KCTD1: variants seen among roughly 807,000 people sequenced by gnomAD.
KCTD1 encodes the protein potassium channel tetramerization domain containing 1.
A neutral mutation model predicts 66.0 loss-of-function variants in KCTD1; 24 were observed. The observed-to-expected ratio is 0.36, with a 90% confidence interval of 0.26 to 0.51. The LOEUF (loss-of-function observed/expected upper bound fraction) is 0.51, where lower values mean the gene tolerates loss of function less well. Ranked by LOEUF, KCTD1 falls within the 20% of genes least tolerant of loss-of-function variation. The pLI is 0.95. For synonymous variants in KCTD1, 511 were observed against 517.2 expected, an observed-to-expected ratio of 0.99 and a Z score of 0.16; for missense variants, 943 against 1,205.2, an observed-to-expected ratio of 0.78 and a Z score of 3.22.
Position 26,455,467 on chromosome 18 carries a change from C to G in KCTD1, c.*276G>C, listed in dbSNP as rs145207799. On this transcript the variant is annotated 3_prime_UTR_variant, in exon 5 of 5. Coordinates refer to ENST00000580059, the MANE Select transcript of KCTD1 (RefSeq NM_001142730.3). ...AGGACACTTCACGGCCATCACAGCA[C>G]CAACTGCGGCTGTCACCTTTTTTTT... 1 of 184,020 alleles carries G rather than the reference C, an allele frequency of 5.4e-6. No homozygotes were observed. Among genetic ancestry groups the G allele is most frequent in the Non-Finnish European group, 1.1e-5 (1 of 92,278 alleles). The allele number at this position is 184,020 out of a possible 1,614,324, so 11.4% of individuals were successfully genotyped here.
At chr18:26,583,002 A>T (rs1216833207) in intron 1 of KCTD1, among the ~76,000 whole-genome samples, 3 of 152,196 alleles carry the variant, frequency 2.0e-5, no homozygotes, top group Non-Finnish European at 4.4e-5. Context: ...ATATAAACAA[A>T]AAACATTACA....
In KCTD1 at chr18:26,586,185, C is replaced by T. The variant is rs113211789; in HGVS notation, c.-16+42962G>A. Among the ~76,000 whole-genome samples the T allele has an allele frequency of 1.1e-3, 161 of 152,320 alleles. 2 individuals carry two copies. The highest frequency in any genetic ancestry group is 3.7e-3 in the African/African-American group (152 of 41,562). ...TAGCAAATCAATCAGCACCATTTTC[C>T]CAACAGCATGTGCTCACTTTGTATC... is the stretch of plus-strand genomic sequence containing the variant. On this transcript the variant is annotated intron_variant, in intron 1 of 4. Transcript: ENST00000317932.
At chr18:26,494,175 G>A (rs1353599868) in intron 2 of KCTD1, among the ~76,000 whole-genome samples, 2 of 151,940 alleles carry the variant, frequency 1.3e-5, no homozygotes, top group African/African-American at 4.8e-5. Flanking sequence ...TTTGAGACCA[G>A]CCCTGGCAAC....
intron 2 of KCTD1, among the ~76,000 whole-genome samples, chr18:26,483,750 T>A (rs1981769857): frequency 6.8e-6 from 1 of 146,626 alleles, no homozygotes; most frequent in Admixed American, 6.8e-5. Flanking sequence ...AACGGAGATG[T>A]GTGTGTGTGT....
exon 1 of KCTD1, chr18:26,657,391 A>G (rs1255678600): frequency 1.0e-6 from 1 of 985,584 alleles, no homozygotes; most frequent in Non-Finnish European, 1.2e-6. Flanking sequence ...TCTCTCTCCA[A>G]GTCCCCTTTT....
At position 26,605,758 on chromosome 18, in the gene KCTD1, A is replaced by ATCTATCTG. The variant is rs1555646519; in HGVS notation, c.-16+23388_-16+23389insCAGATAGA. 3.8e-3 allele frequency among the ~76,000 whole-genome samples: 545 copies of ATCTATCTG among 144,538 alleles called. 4 individuals carry two copies. Among genetic ancestry groups the ATCTATCTG allele is most frequent in the African/African-American group, 0.012 (476 of 38,708 alleles). 94.8% of individuals were successfully genotyped at this position (144,538 alleles called of 152,430 possible). ...TATCTATCTATCTATCTATCTATCT[A>ATCTATCTG]TCTATCTATCTATATTACATCTTAG... On this transcript the variant is annotated intron_variant, in intron 1 of 4. Coordinates refer to the KCTD1 transcript ENST00000317932.
intron 2 of KCTD1, among the ~76,000 whole-genome samples, chr18:26,489,031 A>G (rs1598891860): frequency 6.6e-6 from 1 of 152,192 alleles, no homozygotes; most frequent in Non-Finnish European, 1.5e-5. Context: ...ACCTCGTAAG[A>G]TTACACCTGA....
At chr18:26,523,990 A>G (rs1232660807) in intron 1 of KCTD1, among the ~76,000 whole-genome samples, 1 of 152,242 alleles carries the variant, frequency 6.6e-6, no homozygotes, top group Non-Finnish European at 1.5e-5. Flanking sequence ...CTCAGCAGTC[A>G]TTGAGCAGGA....
chr18:26,577,717 T>A lies in KCTD1; in HGVS notation c.-16+51430A>T, dbSNP rs373952085. On this transcript the variant is annotated intron_variant, in intron 1 of 4. Coordinates refer to the KCTD1 transcript ENST00000317932. Reference sequence around the variant, plus strand: ...TCCAACACCATGCCTGGCTAATTAGTTTTTAGTGTTTTTTTTTGTTTGTTT... The same window carrying A: ...TCCAACACCATGCCTGGCTAATTAGATTTTAGTGTTTTTTTTTGTTTGTTT... Among the ~76,000 whole-genome samples the A allele has an allele frequency of 1.0e-3, 156 of 151,952 alleles. 2 individuals carry two copies. The highest frequency in any genetic ancestry group is 3.5e-3 in the African/African-American group (147 of 41,442).
upstream of KCTD1, among the ~76,000 whole-genome samples, chr18:26,640,932 CG>C (rs1987820846): frequency 2.0e-5 from 3 of 152,046 alleles, no homozygotes; most frequent in Non-Finnish European, 4.4e-5. Flanking sequence ...TGGATGGTAT[CG>C]TGGGATCTAG....
intron 3 of KCTD1, among the ~76,000 whole-genome samples, chr18:26,470,698 G>C (rs956425138): frequency 6.6e-6 from 1 of 152,224 alleles, no homozygotes; most frequent in African/African-American, 2.4e-5. Context: ...TCACAGCTGC[G>C]CAGATGGTGC....
At chr18:26,639,237 G>C (rs1320082676) in intron 1 of KCTD1, among the ~76,000 whole-genome samples, 4 of 152,226 alleles carry the variant, frequency 2.6e-5, no homozygotes, top group African/African-American at 9.6e-5. Flanking sequence ...ACAAGAAAAA[G>C]AGAAGACGAT....
chr18:26,538,546 C>T (rs898925069), intron 1 of KCTD1, among the ~76,000 whole-genome samples: 1 of 152,038 alleles, frequency 6.6e-6, no homozygotes, highest in Non-Finnish European at 1.5e-5. Flanking sequence ...GAGGGGCCCC[C>T]GGTGCAGCAC....
At chr18:26,548,921 G>C, upstream of KCTD1, 1 of 988,856 alleles carries the variant, frequency 1.0e-6, no homozygotes. Context: ...GGGCCCGGGC[G>C]GGAGAGAGGG....
Position 26,547,021 on chromosome 18 carries a change from G to T in KCTD1, c.1516C>A (p.Gln506Lys), listed in dbSNP as rs1985263772. The change falls in exon 1 of 5, where the codon CAG becomes AAG. Residue 506 changes from glutamine (Q) to lysine (K), a missense_variant. Physicochemically the swap from Gln to Lys is moderately conservative, Grantham distance 53. This residue lies in a region of KCTD1 where 197 missense variants were observed against 182.7 expected (regional missense o/e 1.08). Transcript: ENST00000580059. ...TAAGTGTTCCCCAGCGAGGGCGGCT[G>T]GGGGCGGTGGTGGTGGGAGGGATGG... ...PTHPSHHHRP[Q>K]PPSLGNTYIL... 1 of 1,484,318 alleles carries T rather than the reference G, an allele frequency of 6.7e-7. No homozygotes were observed. Among genetic ancestry groups the T allele is most frequent in the Non-Finnish European group, 9.0e-7 (1 of 1,114,254 alleles). 91.9% of individuals were successfully genotyped at this position (1,484,318 alleles called of 1,614,324 possible). A position where few individuals can be genotyped will look rare whatever the true frequency, so the allele number is the denominator to read the frequency against.
intron 1 of KCTD1, among the ~76,000 whole-genome samples, chr18:26,649,810 T>A (rs1430866497): frequency 6.6e-6 from 1 of 152,204 alleles, no homozygotes; most frequent in East Asian, 1.9e-4. Context: ...GGCTGGGCTT[T>A]CCTTTTCCAG....
intron 1 of KCTD1, among the ~76,000 whole-genome samples, chr18:26,508,342 T>C (rs1983155873): frequency 6.6e-6 from 1 of 152,196 alleles, no homozygotes; most frequent in South Asian, 2.1e-4. Flanking sequence ...GGATTTGACT[T>C]CAGGCATCTT....
chr18:26,598,551 A>C (rs1214903278), intron 1 of KCTD1, among the ~76,000 whole-genome samples: 2 of 151,840 alleles, frequency 1.3e-5, no homozygotes, highest in African/African-American at 4.8e-5. Flanking sequence ...TACTATCTTT[A>C]ACTTTTTTGA....
In KCTD1 at chr18:26,548,258, T is replaced by TTCCTCCTCC. The variant is rs143299522; in HGVS notation, c.270_278dup (p.Glu94_Glu96dup). On this transcript the variant is annotated inframe_insertion, in exon 1 of 5. Coordinates refer to ENST00000580059, the MANE Select transcript of KCTD1 (RefSeq NM_001142730.3). ...CCCAGTCCAGCCCCATCTCCTCCTC[T>TTCCTCCTCC]TCCTCCTCCTCCTCGTCCTCCTCCA... 1.3e-6 allele frequency: 2 copies of TTCCTCCTCC among 1,508,258 alleles called. No individual in the cohort carries two copies. Among genetic ancestry groups the TTCCTCCTCC allele is most frequent in the Non-Finnish European group, 1.8e-6 (2 of 1,131,396 alleles). 93.4% of individuals were successfully genotyped at this position (1,508,258 alleles called of 1,614,324 possible).
Sources: gnomAD v4.1 joint callset for allele counts (sites outside exome capture counted in the v4.1 genomes callset) on GRCh38, gnomAD v4.1.1 for gene constraint, gnomAD v4.1.1 regional missense constraint, MANE v1.5 for transcripts, NCBI Gene and HGNC (gene_info 2026-07-23, HGNC 2026-07-21) for gene names.